PLAUR: variants seen among roughly 807,000 people sequenced by gnomAD.
PLAUR encodes plasminogen activator, urokinase receptor.
A neutral mutation model predicts 33.4 loss-of-function variants in PLAUR; 22 were observed. The observed-to-expected ratio is 0.66, with a 90% confidence interval of 0.47 to 0.94. PLAUR has a LOEUF of 0.94. Among genes scored for constraint, PLAUR ranks in the 40% least tolerant of loss-of-function variants. PLAUR has a pLI of 0.00. For missense variants in PLAUR, 408 were observed against 434.7 expected, an observed-to-expected ratio of 0.94 and a Z score of 0.55; for synonymous variants, 148 against 167.3, an observed-to-expected ratio of 0.88 and a Z score of 0.89.
chr19:43,669,905 A>G (rs1239483390), intron 1 of PLAUR, among the ~76,000 whole-genome samples, 161 bp downstream of exon 1: 2 of 151,864 alleles, frequency 1.3e-5, no homozygotes, highest in Non-Finnish European at 2.9e-5. Flanking sequence ...AGTGCCAGGT[A>G]CTGCGCCGCG....
chr19:43,657,623 C>G (rs529701695), intron 3 of PLAUR, among the ~76,000 whole-genome samples: 1 of 152,310 alleles, frequency 6.6e-6, no homozygotes, highest in African/African-American at 2.4e-5. Context: ...CTCCCACACA[C>G]CCCTGTACTC....
rs1406670278 is a variant in PLAUR, at chr19:43,656,524, G to C, written c.427C>G (p.Gln143Glu). The part of the protein sequence containing the change: ...QSLQCRSPEE[Q>E]CLDVVTHWIQ... The stretch of plus-strand genomic sequence containing the variant: ...CAGTGGGTCACCACATCCAGGCACT[G>C]TTCTTCAGGGCTGCGGCACTGCAGG... The change falls in exon 4 of 7, where the codon CAG becomes GAG. Residue 143 changes from glutamine to glutamate, a missense_variant. Gln to Glu is a conservative substitution (Grantham distance 29). Transcript: ENST00000340093. 1 of 1,610,406 alleles carries C rather than the reference G, an allele frequency of 6.2e-7. No homozygotes were observed. The highest frequency in any genetic ancestry group is 8.5e-7 in the Non-Finnish European group (1 of 1,177,862).
intron 5 of PLAUR, among the ~76,000 whole-genome samples, chr19:43,654,950 A>G (rs968149704): frequency 2.0e-5 from 3 of 152,080 alleles, no homozygotes; most frequent in Non-Finnish European, 4.4e-5. Flanking sequence ...GAGGGCTGAT[A>G]GTATCATTGA....
chr19:43,654,851 C>T (rs966735733), intron 5 of PLAUR, among the ~76,000 whole-genome samples: 16 of 152,026 alleles, frequency 1.1e-4, no homozygotes, highest in African/African-American at 2.7e-4. Context: ...AAGAAGTCAG[C>T]GTGGCTCAGC....
rs58331143 is a variant in PLAUR at position 43,660,332 on chromosome 19, A to AT, written c.311-3693dup. 6.2e-3 allele frequency among the ~76,000 whole-genome samples: 903 copies of AT among 144,948 alleles called. 6 individuals carry two copies. The highest frequency in any genetic ancestry group is 0.015 in the African/African-American group (596 of 39,362). On this transcript the variant is annotated intron_variant, in intron 3 of 6. Coordinates refer to ENST00000340093, the MANE Select transcript of PLAUR (RefSeq NM_002659.4). ...AGGTGTGTGCCACCATACCCGGCTA[A>AT]TTTTTTTTTTTTTTGTATCTTTAGT...
chr19:43,647,448 G>A (rs1973842710), downstream of PLAUR, among the ~76,000 whole-genome samples: 1 of 152,192 alleles, frequency 6.6e-6, no homozygotes, highest in Admixed American at 6.5e-5. Context: ...AACCTTTGAA[G>A]TTTAGGAGAA....
At chr19:43,663,047 G>A (rs1281718869) in intron 3 of PLAUR, among the ~76,000 whole-genome samples, 1 of 152,000 alleles carries the variant, frequency 6.6e-6, no homozygotes, top group East Asian at 1.9e-4. Flanking sequence ...CAGCTTAGCT[G>A]TTGCTTCCCC....
chr19:43,653,229 G>A (rs1211480631), intron 5 of PLAUR, among the ~76,000 whole-genome samples: 2 of 152,148 alleles, frequency 1.3e-5, no homozygotes, highest in African/African-American at 4.8e-5. Context: ...CACATTTCAA[G>A]TGCTCACTGA....
chr19:43,658,918 C>T (rs1279365926), intron 3 of PLAUR, among the ~76,000 whole-genome samples: 1 of 152,126 alleles, frequency 6.6e-6, no homozygotes, highest in Non-Finnish European at 1.5e-5. Flanking sequence ...ATACCTAGAA[C>T]ACCTTTTCCT....
Position 43,652,374 on chromosome 19 carries a change from T to C in PLAUR, c.608-3A>G. 1 of 1,613,784 alleles carries C rather than the reference T, an allele frequency of 6.2e-7. No homozygotes were observed. Among genetic ancestry groups the C allele is most frequent in the Non-Finnish European group, 8.5e-7 (1 of 1,179,804 alleles). On this transcript the variant is annotated splice_region_variant and splice_polypyrimidine_tract_variant and intron_variant, in intron 5 of 6. Transcript: ENST00000340093. ...CGGCAGATTTTCAAGCTCCAGGACTTAGGAGAAGACCAGAGACACAGAGAC... is the reference window on the plus strand; with the variant it reads ...CGGCAGATTTTCAAGCTCCAGGACTCAGGAGAAGACCAGAGACACAGAGAC...
chr19:43,668,329 T>C (rs1967354702), intron 1 of PLAUR: 1 of 986,356 alleles, frequency 1.0e-6, no homozygotes, highest in African/African-American at 1.7e-5. Context: ...AACTAGGTTT[T>C]GGCCCCGCTC....
rs3052823 is a variant in PLAUR, at chr19:43,659,167, C to CTTTTTTTTTTTTTTTTTTTTTTTTTT, written c.311-2528_311-2527insAAAAAAAAAAAAAAAAAAAAAAAAAA. 2.1e-4 allele frequency among the ~76,000 whole-genome samples: 20 copies of CTTTTTTTTTTTTTTTTTTTTTTTTTT among 97,132 alleles called. 1 individual carries two copies. Among genetic ancestry groups the CTTTTTTTTTTTTTTTTTTTTTTTTTT allele is most frequent in the African/African-American group, 3.6e-4 (9 of 24,998 alleles). The allele number at this position is 97,132 out of a possible 152,430, so 63.7% of individuals were successfully genotyped here. Reference sequence around the variant, plus strand: ...GCTATTTTCCTTTTTCTTTTCTTTTCTTTTTTTTTTTTTTTGAGATAGGGT... The same window carrying CTTTTTTTTTTTTTTTTTTTTTTTTTT: ...GCTATTTTCCTTTTTCTTTTCTTTTCTTTTTTTTTTTTTTTTTTTTTTTTTTTTTTTTTTTTTTTTTGAGATAGGGT... On this transcript the variant is annotated intron_variant, in intron 3 of 6. Transcript: ENST00000340093.
rs140684474 is a variant in PLAUR, at chr19:43,648,699, C to G, written c.*191G>C. On this transcript the variant is annotated 3_prime_UTR_variant, in exon 7 of 7. Transcript: ENST00000340093. ...CAAGAGCTCTCCCATTGGCCCACGG[C>G]CTTCCTCCAGCTTTTCTCTTCTGCT... 1.0e-4 allele frequency: 82 copies of G among 805,414 alleles called. No individual in the cohort carries two copies. In the East Asian group the frequency reaches 1.6e-3, roughly 16 times the overall value. 49.9% of individuals were successfully genotyped at this position (805,414 alleles called of 1,614,324 possible). A position where few individuals can be genotyped will look rare whatever the true frequency, so the allele number is the denominator to read the frequency against.
At chr19:43,657,263 A>G (rs950988270) in intron 3 of PLAUR, among the ~76,000 whole-genome samples, 2 of 152,176 alleles carry the variant, frequency 1.3e-5, no homozygotes, top group African/African-American at 4.8e-5. Context: ...GATATTTCTA[A>G]TACTCATATC....
At chr19:43,667,559 T>C in intron 2 of PLAUR, 22 bp downstream of exon 2, 1 of 1,533,156 alleles carries the variant, frequency 6.5e-7, no homozygotes, top group Non-Finnish European at 9.0e-7. Context: ...TGGAGGGGTG[T>C]GTGGGTTGGG....
chr19:43,670,069 G>T lies in PLAUR; in HGVS notation c.52C>A (p.Pro18Thr). 1 of 1,613,224 alleles carries T rather than the reference G, an allele frequency of 6.2e-7. No individual in the cohort carries two copies. Among genetic ancestry groups the T allele is most frequent in the East Asian group, 2.2e-5 (1 of 44,814 alleles). The change falls in exon 1 of 7, where the codon CCA (proline) becomes ACA (threonine). Residue 18 changes from proline to threonine, a missense_variant. Transcript: ENST00000340093. ...PLLLLLHTCVPASWGLRCMQC... is the reference protein window; with the variant it reads ...PLLLLLHTCVTASWGLRCMQC... ...GCGTTCGGGACCCAGCCCCTACCTG[G>T]GACGCAGGTGTGGAGCAGCAGCAGC... is the stretch of plus-strand genomic sequence containing the variant.
intron 3 of PLAUR, chr19:43,656,877 A>G (rs1411868356): frequency 2.7e-6 from 1 of 374,882 alleles, no homozygotes; most frequent in Non-Finnish European, 4.8e-6. Context: ...CTGGGTTTCC[A>G]TTCTTGTCAC....
chr19:43,667,856 C>T (rs887104765), intron 1 of PLAUR, 165 bp from the exon 2 acceptor site: 2 of 1,442,400 alleles, frequency 1.4e-6, no homozygotes, highest in Non-Finnish European at 1.8e-6. Flanking sequence ...CCAGTCTGTC[C>T]GTTGTCCACG....
rs1280799709 is a variant in PLAUR at position 43,665,459 on chromosome 19, T to A, written c.167A>T (p.Glu56Val). 1.2e-6 allele frequency: 2 copies of A among 1,612,690 alleles called. No homozygotes were observed. The highest frequency in any genetic ancestry group is 2.7e-5 in the African/African-American group (2 of 74,462). The change falls in exon 3 of 7, where the codon GAA becomes GTA. Residue 56 changes from glutamate (E) to valine (V), a missense_variant and splice_region_variant. By Grantham distance (121) the Glu-to-Val change is moderately radical. Transcript: ENST00000340093. ...CTCCACCAGCTCCAGCTCTTCTCCT[T>A]CTGCAAGGAGGGGATCTTCATTACC... The part of the protein sequence containing the change: ...CRTTIVRLWE[E>V]GEELELVEKS...
Sources: allele counts gnomAD v4.1 joint callset (sites outside exome capture counted in the v4.1 genomes callset), GRCh38; gene constraint gnomAD v4.1.1; transcripts MANE v1.5; gene names NCBI Gene and HGNC (gene_info 2026-07-23, HGNC 2026-07-21).